Variants in RELCH observed in about 807,000 individuals in gnomAD.
RELCH encodes RAB11 binding and LisH domain, coiled-coil and HEAT repeat containing.
RELCH carries 41 observed loss-of-function variants against 150.3 expected under a neutral mutation model. The observed-to-expected ratio is 0.27, with a 90% confidence interval of 0.21 to 0.35. The LOEUF is 0.35. Ranked by LOEUF, RELCH falls within the 10% of genes least tolerant of loss-of-function variation. The probability of loss-of-function intolerance (pLI) is 1.00; values close to 1 mark genes in which losing one functional copy is unlikely to be tolerated. For missense variants in RELCH, 1,092 were observed against 1,467.8 expected, an observed-to-expected ratio of 0.74 and a Z score of 4.18; for synonymous variants, 478 against 531.8, an observed-to-expected ratio of 0.90 and a Z score of 1.39.
intron 25 of RELCH, chr18:62,285,367 T>A (rs1426106738): frequency 1.3e-5 from 2 of 152,212 alleles, no homozygotes; most frequent in African/African-American, 4.8e-5. Context: ...CAATTTTAAA[T>A]CCTTGTTCAA....
intron 22 of RELCH, 106 bp downstream of exon 22, chr18:62,275,579 G>A: frequency 1.4e-6 from 1 of 713,898 alleles, no homozygotes; most frequent in Non-Finnish European, 2.5e-6. Context: ...ATCATGTTAT[G>A]TTGATATATA....
intron 14 of RELCH, 142 bp from the exon 15 acceptor site, chr18:62,258,370 G>C: frequency 1.3e-6 from 1 of 749,048 alleles, no homozygotes; most frequent in Non-Finnish European, 2.1e-6. Flanking sequence ...TGGATACATG[G>C]CAAGGCTAGG....
At chr18:62,244,729 T>C (rs766734821) in intron 10 of RELCH, 35 bp from the exon 11 acceptor site, 1 of 1,368,950 alleles carries the variant, frequency 7.3e-7, no homozygotes, top group Non-Finnish European at 1.0e-6. Context: ...GCAATGTGTT[T>C]TTATTTGAAT....
intron 10 of RELCH, among the ~76,000 whole-genome samples, chr18:62,244,216 A>G (rs2042290636): frequency 1.3e-5 from 2 of 152,176 alleles, no homozygotes; most frequent in Admixed American, 1.3e-4. Context: ...TCAACATCAA[A>G]TATTTCTACT....
chr18:62,284,265 A>G (rs1486020414), intron 25 of RELCH: 1 of 152,172 alleles, frequency 6.6e-6, no homozygotes, highest in Non-Finnish European at 1.5e-5. Flanking sequence ...ATACCTACCT[A>G]TCAAATTTGT....
At chr18:62,284,848 T>C (rs1401190516) in intron 25 of RELCH, among the ~76,000 whole-genome samples, 1 of 152,208 alleles carries the variant, frequency 6.6e-6, no homozygotes, top group Non-Finnish European at 1.5e-5. Context: ...GTCTTGTTTT[T>C]ATTTTTAGGA....
chr18:62,294,082 C>G (rs1467992942), intron 27 of RELCH, among the ~76,000 whole-genome samples: 1 of 151,968 alleles, frequency 6.6e-6, no homozygotes. Context: ...AATAGTATTC[C>G]TTTGTATGAT....
At chr18:62,285,900 G>A (rs372836462) in intron 25 of RELCH, 2 of 152,074 alleles carry the variant, frequency 1.3e-5, no homozygotes. Context: ...ATACATATGT[G>A]GTACCCCAGG....
intron 23 of RELCH, among the ~76,000 whole-genome samples, chr18:62,280,089 A>G (rs973924400): frequency 7.9e-5 from 12 of 152,180 alleles, no homozygotes; most frequent in African/African-American, 2.9e-4. Flanking sequence ...TATATTAGTA[A>G]CATTAGTGCT....
intron 28 of RELCH, among the ~76,000 whole-genome samples, chr18:62,303,202 C>G (rs967808949): frequency 6.6e-6 from 1 of 151,742 alleles, no homozygotes; most frequent in Non-Finnish European, 1.5e-5. Context: ...TAGTATAGAC[C>G]TGGGCCTCCT....
chr18:62,200,681 C>T (rs1490447938), intron 1 of RELCH, among the ~76,000 whole-genome samples: 1 of 151,606 alleles, frequency 6.6e-6, no homozygotes, highest in Non-Finnish European at 1.5e-5. Context: ...CTTTCTTTAT[C>T]ACCAAGGTTA....
chr18:62,266,066 G>A (rs1452076424), intron 18 of RELCH, among the ~76,000 whole-genome samples: 2 of 151,480 alleles, frequency 1.3e-5, no homozygotes, highest in Admixed American at 6.6e-5. Context: ...AAGCAAGTAG[G>A]AATCTACTTA....
At chr18:62,202,072 T>A (rs751769336) in intron 1 of RELCH, among the ~76,000 whole-genome samples, 1 of 152,220 alleles carries the variant, frequency 6.6e-6, no homozygotes, top group Non-Finnish European at 1.5e-5. Context: ...TTTTACCAGT[T>A]TACCAACTAT....
chr18:62,283,114 T>C (rs2044607747), intron 25 of RELCH, among the ~76,000 whole-genome samples: 1 of 152,180 alleles, frequency 6.6e-6, no homozygotes, highest in Admixed American at 6.5e-5. Context: ...TGCCTTAGAG[T>C]TTATTTTTTA....
Position 62,232,350 on chromosome 18 carries a change from A to G in RELCH, c.1543A>G (p.Ser515Gly). 1.9e-6 allele frequency: 3 copies of G among 1,610,374 alleles called. No homozygotes were observed. Among genetic ancestry groups the G allele is most frequent in the Non-Finnish European group, 2.5e-6 (3 of 1,177,284 alleles). Residue 515 changes from serine to glycine, a missense_variant, in exon 10 of 29, where the codon AGT becomes GGT. Coordinates refer to ENST00000644646, the MANE Select transcript of RELCH (RefSeq NM_001346231.2). ...TTTCTAGGTGTCTCGTATTGCAGAC[A>G]GTGAAAAAAGCGTTATGTTAATGCT... is the stretch of plus-strand genomic sequence containing the variant. Reference protein sequence around the residue: ...LGYEVSRIADSEKSVMLMLGR... With the variant: ...LGYEVSRIADGEKSVMLMLGR...
At chr18:62,235,530 G>C (rs1206834166) in intron 10 of RELCH, 1 of 152,008 alleles carries the variant, frequency 6.6e-6, no homozygotes, top group Non-Finnish European at 1.5e-5. Context: ...TAAATCTGTA[G>C]ATCTCTTTGG....
At chr18:62,232,868 G>A (rs912934934) in intron 10 of RELCH, among the ~76,000 whole-genome samples, 1 of 151,982 alleles carries the variant, frequency 6.6e-6, no homozygotes, top group African/African-American at 2.4e-5. Context: ...AGTCATAAAT[G>A]TACTTGTAGT....
rs2041548723 is a variant in RELCH at position 62,231,224 on chromosome 18, A to G, written c.1479A>G (p.Leu493=). The change falls in exon 9 of 29, where the codon CTA becomes CTG. Residue 493 remains leucine, a synonymous_variant. Transcript: ENST00000644646. ...RKLSPAFHQA[L]LSFCRMSADS... ...TGTCTCCTGCATTCCATCAAGCACT[A>G]CTCTCTTTTTGTCGAATGTCAGCAG... 1.2e-6 allele frequency: 2 copies of G among 1,607,514 alleles called. No homozygotes were observed. Among genetic ancestry groups the G allele is most frequent in the African/African-American group, 2.7e-5 (2 of 74,556 alleles).
At chr18:62,227,522 C>G in intron 6 of RELCH, 30 bp downstream of exon 6, 1 of 1,588,448 alleles carries the variant, frequency 6.3e-7, no homozygotes, top group Non-Finnish European at 8.6e-7. Context: ...TAGTCAAGTC[C>G]ACAGAAAGTA....
Sources: allele counts gnomAD v4.1 joint callset (sites outside exome capture counted in the v4.1 genomes callset), GRCh38; gene constraint gnomAD v4.1.1; transcripts MANE v1.5; gene names NCBI Gene and HGNC (gene_info 2026-07-23, HGNC 2026-07-21).